The following PDPR variants were observed in gnomAD, a reference collection of about 807,000 sequenced individuals.
The protein encoded by PDPR is pyruvate dehydrogenase phosphatase regulatory subunit, mitochondrial.
In PDPR, 50 loss-of-function variants were observed where a neutral mutation model predicts 102.2. That is an observed-to-expected ratio of 0.49 (90% confidence interval 0.39 to 0.62). The LOEUF is 0.62. Among genes scored for constraint, PDPR ranks in the 20% least tolerant of loss-of-function variants. The pLI is 0.00. For synonymous variants in PDPR, 259 were observed against 406.0 expected, an observed-to-expected ratio of 0.64 and a Z score of 4.35; for missense variants, 625 against 1,098.2, an observed-to-expected ratio of 0.57 and a Z score of 6.09.
At chr16:70,137,076 G>A (rs574275385) in intron 10 of PDPR, among the ~76,000 whole-genome samples, 1 of 152,278 alleles carries the variant, frequency 6.6e-6, no homozygotes, top group South Asian at 2.1e-4. Flanking sequence ...CACTAGGCCG[G>A]GCGCAGTGGC....
chr16:70,142,549 G>A lies in PDPR; in HGVS notation c.1472-4G>A, dbSNP rs368638889. ...CAGGGCCTTGTGATTTTTCCATTCC[G>A]TAGACCTCCTGGCATTGGAGCAGAG... is the stretch of plus-strand genomic sequence containing the variant. On this transcript the variant is annotated splice_polypyrimidine_tract_variant and splice_region_variant and intron_variant, in intron 12 of 18. Coordinates refer to ENST00000288050, the MANE Select transcript of PDPR (RefSeq NM_017990.5). 1.6e-4 allele frequency: 262 copies of A among 1,613,622 alleles called. No individual in the cohort carries two copies. The highest frequency in any genetic ancestry group is 2.0e-4 in the Non-Finnish European group (236 of 1,179,666).
At chr16:70,116,885 GTGTT>G (rs1185658608) in intron 2 of PDPR, among the ~76,000 whole-genome samples, 3 of 151,930 alleles carry the variant, frequency 2.0e-5, no homozygotes, top group African/African-American at 7.3e-5. Context: ...ATCTGTTACT[GTGTT>G]TGTTCTGCCA....
Position 70,160,144 on chromosome 16 carries a change from T to G in PDPR, c.*3265T>G, listed in dbSNP as rs955844218. ...AGGGTTGCCAGTTTTCCGTGGGCCT[T>G]CCCCTCCCTTGAAATGTCTTTAATT... On this transcript the variant is annotated 3_prime_UTR_variant, in exon 19 of 19. Coordinates refer to ENST00000288050, the MANE Select transcript of PDPR (RefSeq NM_017990.5). The G allele has an allele frequency of 2.6e-5, 4 of 152,994 alleles. No individual in the cohort carries two copies. The highest frequency in any genetic ancestry group is 6.5e-5 in the Admixed American group (1 of 15,292). 9.5% of individuals were successfully genotyped at this position (152,994 alleles called of 1,614,324 possible). A position where few individuals can be genotyped will look rare whatever the true frequency, so the allele number is the denominator to read the frequency against.
Position 70,143,659 on chromosome 16 carries a change from G to A in PDPR, c.1754+1G>A. ...GCATAGCACGACTGAACAAGCGCAGGTGAGATGAGCTGCCGTCCCGCTCTG... is the reference window on the plus strand; with the variant it reads ...GCATAGCACGACTGAACAAGCGCAGATGAGATGAGCTGCCGTCCCGCTCTG... On this transcript the variant is annotated splice_donor_variant, in intron 14 of 18. Transcript: ENST00000288050. LOFTEE classifies it high-confidence loss of function. The A allele has an allele frequency of 6.2e-7, 1 of 1,613,224 alleles. No individual in the cohort carries two copies. Among genetic ancestry groups the A allele is most frequent in the Non-Finnish European group, 8.5e-7 (1 of 1,179,350 alleles).
At chr16:70,163,136 CG>C (rs1381277533), downstream of PDPR, among the ~76,000 whole-genome samples, 1 of 151,346 alleles carries the variant, frequency 6.6e-6, no homozygotes, top group Non-Finnish European at 1.5e-5. Context: ...TTCGTAGAGA[CG>C]GGGTTTCGCC....
chr16:70,137,367 T>A (rs1965259786), intron 10 of PDPR, among the ~76,000 whole-genome samples: 1 of 152,144 alleles, frequency 6.6e-6, no homozygotes, highest in African/African-American at 2.4e-5. Flanking sequence ...ATAAAAATAA[T>A]AATAATAAAA....
In PDPR at chr16:70,142,261, G is replaced by T. The variant is rs752576074; in HGVS notation, c.1343G>T (p.Arg448Leu). The T allele has an allele frequency of 6.2e-7, 1 of 1,613,102 alleles. No individual in the cohort carries two copies. Among genetic ancestry groups the T allele is most frequent in the Non-Finnish European group, 8.5e-7 (1 of 1,179,544 alleles). Residue 448 changes from arginine to leucine, a missense_variant, in exon 12 of 19, where the codon CGC (arginine) becomes CTC (leucine). By Grantham distance (102) the Arg-to-Leu change is moderately radical. Coordinates refer to ENST00000288050, the MANE Select transcript of PDPR (RefSeq NM_017990.5). ...TTGATGTATGATCTGAAGGTTCCCCGCTGGGACTTCCAGACCGGTAGGCAG... is the reference window on the plus strand; with the variant it reads ...TTGATGTATGATCTGAAGGTTCCCCTCTGGGACTTCCAGACCGGTAGGCAG... ...MPLMYDLKVP[R>L]WDFQTGRQLR...
At chr16:70,118,479 C>T (rs1427275442) in intron 2 of PDPR, among the ~76,000 whole-genome samples, 2 of 152,214 alleles carry the variant, frequency 1.3e-5, no homozygotes, top group Admixed American at 6.5e-5. Context: ...CAAGTATAAC[C>T]GAGTGGTCAC....
At position 70,156,567 on chromosome 16, in the gene PDPR, T is replaced by C; in HGVS notation, c.2328T>C (p.Asp776=). Residue 776 remains aspartate (D), a synonymous_variant, in exon 19 of 19, where the codon GAT becomes GAC. Transcript: ENST00000288050. ...RLTMFILDDH[D]SDLDLWPWWG... is the part of the protein sequence containing the mutation. ...CCATGTTCATCCTGGACGACCATGA[T>C]TCAGACCTAGACCTTTGGCCTTGGT... is the stretch of plus-strand genomic sequence containing the variant. 6.2e-7 allele frequency: 1 copy of C among 1,614,088 alleles called. No homozygotes were observed. The highest frequency in any genetic ancestry group is 8.5e-7 in the Non-Finnish European group (1 of 1,179,908).
At chr16:70,119,113 C>T (rs2152057872) in intron 2 of PDPR, among the ~76,000 whole-genome samples, 1 of 152,212 alleles carries the variant, frequency 6.6e-6, no homozygotes, top group East Asian at 1.9e-4. Context: ...CTTTCTTCTT[C>T]AGTTTCTTGA....
chr16:70,147,897 G>T (rs1258620412), intron 16 of PDPR, among the ~76,000 whole-genome samples: 1 of 152,338 alleles, frequency 6.6e-6, no homozygotes, highest in South Asian at 2.1e-4. Context: ...TGTGGAAGCG[G>T]TTCACTTCGG....
intron 2 of PDPR, among the ~76,000 whole-genome samples, chr16:70,119,708 C>A (rs1346468083): frequency 6.7e-6 from 1 of 149,818 alleles, no homozygotes; most frequent in African/African-American, 2.5e-5. Context: ...TTAAATATGC[C>A]CCTAGTTACT....
chr16:70,122,141 C>T (rs1963375778), intron 3 of PDPR, among the ~76,000 whole-genome samples: 1 of 152,260 alleles, frequency 6.6e-6, no homozygotes, highest in South Asian at 2.1e-4. Context: ...CACCCACCAC[C>T]ATGCCCGGCT....
intron 3 of PDPR, among the ~76,000 whole-genome samples, chr16:70,122,008 A>G (rs541547243): frequency 2.1e-3 from 317 of 152,042 alleles, no homozygotes; most frequent in Non-Finnish European, 3.2e-3. Flanking sequence ...TTTTTTTGAA[A>G]TGGAGTCTGG....
intron 3 of PDPR, among the ~76,000 whole-genome samples, chr16:70,121,542 A>T (rs1284998128): frequency 3.3e-5 from 5 of 152,146 alleles, no homozygotes; most frequent in Non-Finnish European, 7.3e-5. Flanking sequence ...ACATACAAAA[A>T]TTAGCTGGGC....
At chr16:70,141,670 T>C (rs1248165011) in intron 11 of PDPR, among the ~76,000 whole-genome samples, 1 of 152,278 alleles carries the variant, frequency 6.6e-6, no homozygotes, top group Non-Finnish European at 1.5e-5. Context: ...TAATGTGGAA[T>C]GCTGAATGTG....
At chr16:70,156,211 T>C (rs890888404) in intron 18 of PDPR, 48 of 520,888 alleles carry the variant, frequency 9.2e-5, no homozygotes, top group Non-Finnish European at 1.5e-4. Context: ...TTTTGTTCTA[T>C]CTGGTCTTGT....
rs1967830620 is a variant in PDPR, at chr16:70,161,955, T to G, written c.*5076T>G. ...TTTTTAGCATCTCTTTCAAAAGATG[T>G]ATGTCAGAATTTCCTTTGCACACCA... On this transcript the variant is annotated 3_prime_UTR_variant, in exon 19 of 19. Transcript: ENST00000288050. The G allele has an allele frequency of 6.6e-6, 1 of 152,358 alleles. No homozygotes were observed. The highest frequency in any genetic ancestry group is 1.5e-5 in the Non-Finnish European group (1 of 68,092). 9.4% of individuals were successfully genotyped at this position (152,358 alleles called of 1,614,324 possible).
rs1233450544 is a variant in PDPR at position 70,117,879 on chromosome 16, G to A, written c.-32-2582G>A. Among the ~76,000 whole-genome samples the A allele has an allele frequency of 1.3e-5, 2 of 152,112 alleles. 1 individual carries two copies. The highest frequency in any genetic ancestry group is 2.9e-5 in the Non-Finnish European group (2 of 68,024). On this transcript the variant is annotated intron_variant, in intron 2 of 18. Coordinates refer to ENST00000288050, the MANE Select transcript of PDPR (RefSeq NM_017990.5). ...AGGCCAAGGCCAGTGGATCACCTGA[G>A]GTCAGGAGTTCAAGACCAGCCTAAT...
Sources: allele counts gnomAD v4.1 joint callset (sites outside exome capture counted in the v4.1 genomes callset), GRCh38; gene constraint gnomAD v4.1.1; transcripts MANE v1.5; gene names NCBI Gene and HGNC (gene_info 2026-07-23, HGNC 2026-07-21).